CNOT6: variants seen among roughly 807,000 people sequenced by gnomAD.
CNOT6 encodes the protein carbon catabolite repression 4 protein.
Under a neutral mutation model 61.2 loss-of-function variants are expected in CNOT6, and 12 were observed. That is an observed-to-expected ratio of 0.20 (90% CI 0.13 to 0.32). The LOEUF (loss-of-function observed/expected upper bound fraction) is 0.32, where lower values mean the gene tolerates loss of function less well. Among genes scored for constraint, CNOT6 ranks in the 10% least tolerant of loss-of-function variants. The probability of loss-of-function intolerance (pLI) is 1.00; values close to 1 mark genes in which losing one functional copy is unlikely to be tolerated. For synonymous variants in CNOT6, 225 were observed against 240.6 expected, an observed-to-expected ratio of 0.94 and a Z score of 0.60; for missense variants, 405 against 663.9, an observed-to-expected ratio of 0.61 and a Z score of 4.28.
intron 1 of CNOT6, among the ~76,000 whole-genome samples, chr5:180,503,817 G>A (rs974478605): frequency 2.0e-5 from 3 of 151,284 alleles, no homozygotes; most frequent in Non-Finnish European, 2.9e-5. Flanking sequence ...TGTTGGTCAG[G>A]ATGGTCTCGA....
At position 180,566,062 on chromosome 5, in the gene CNOT6, T is replaced by C. The variant is rs1760437377; in HGVS notation, c.717+85T>C. 10 of 1,223,508 alleles carry C rather than the reference T, an allele frequency of 8.2e-6. No individual in the cohort carries two copies. In the South Asian group the frequency reaches 1.6e-4, roughly 20 times the overall value. The allele number at this position is 1,223,508 out of a possible 1,614,324, so 75.8% of individuals were successfully genotyped here. ...CATTACGCTGACACATTTGAAGTTTTAGCTTCAGTAGTTCTTAAAGTACTG... is the reference window on the plus strand; with the variant it reads ...CATTACGCTGACACATTTGAAGTTTCAGCTTCAGTAGTTCTTAAAGTACTG... On this transcript the variant is annotated intron_variant, in intron 7 of 11. Coordinates refer to ENST00000261951, the MANE Select transcript of CNOT6 (RefSeq NM_001370472.1).
intron 1 of CNOT6, among the ~76,000 whole-genome samples, chr5:180,516,958 G>C (rs1432352765): frequency 6.6e-6 from 1 of 152,186 alleles, no homozygotes; most frequent in Non-Finnish European, 1.5e-5. Context: ...CACATCAAGA[G>C]ACCCCAATAT....
At chr5:180,550,790 CT>C (rs1352690615) in intron 3 of CNOT6, among the ~76,000 whole-genome samples, 1 of 152,102 alleles carries the variant, frequency 6.6e-6, no homozygotes, top group Non-Finnish European at 1.5e-5. Flanking sequence ...TTGGTGAAAC[CT>C]TTTTGCCATC....
chr5:180,495,901 AGT>A, intron 1 of CNOT6: 1 of 152,336 alleles, frequency 6.6e-6, no homozygotes, highest in African/African-American at 2.4e-5. Flanking sequence ...CATTTATCAC[AGT>A]CTTTATTTAA....
At chr5:180,503,398 G>A (rs941663398) in intron 1 of CNOT6, among the ~76,000 whole-genome samples, 2 of 151,620 alleles carry the variant, frequency 1.3e-5, no homozygotes, top group African/African-American at 4.8e-5. Flanking sequence ...CGAGCAGCTG[G>A]GATTAGAGGT....
At chr5:180,526,674 T>A (rs1758114488) in intron 1 of CNOT6, among the ~76,000 whole-genome samples, 1 of 152,136 alleles carries the variant, frequency 6.6e-6, no homozygotes, top group Non-Finnish European at 1.5e-5. Flanking sequence ...GTCATAGGCT[T>A]TTCTCCAGCT....
intron 7 of CNOT6, 135 bp from the exon 8 acceptor site, chr5:180,566,953 C>A (rs1476461704): frequency 1.2e-6 from 1 of 843,248 alleles, no homozygotes; most frequent in Non-Finnish European, 1.8e-6. Context: ...CATGCCCGGC[C>A]CGGAAAGATG....
At chr5:180,555,515 A>G (rs541547159) in intron 4 of CNOT6, among the ~76,000 whole-genome samples, 1 of 152,306 alleles carries the variant, frequency 6.6e-6, no homozygotes, top group East Asian at 1.9e-4. Flanking sequence ...ATCCTGCTGG[A>G]CAGCATTACA....
intron 2 of CNOT6, among the ~76,000 whole-genome samples, chr5:180,542,731 G>A (rs752818875): frequency 1.3e-5 from 2 of 152,154 alleles, no homozygotes; most frequent in African/African-American, 4.8e-5. Context: ...AGGATCCTGG[G>A]TATTTTATAA....
intron 1 of CNOT6, among the ~76,000 whole-genome samples, chr5:180,499,473 G>A (rs1012699163): frequency 2.6e-5 from 4 of 152,144 alleles, no homozygotes; most frequent in Non-Finnish European, 4.4e-5. Flanking sequence ...GTAAATTATT[G>A]GAATTGGAAT....
In CNOT6 at chr5:180,519,125, G is replaced by C. The variant is rs371867742; in HGVS notation, c.-2-10150G>C. ...AGGGACACGTGTGCTGTAAGGAATC[G>C]TAGGTGCATCCAGAGAGGTTGGGGT... On this transcript the variant is annotated intron_variant, in intron 1 of 11. Transcript: ENST00000261951. Among the ~76,000 whole-genome samples, 5 of 152,336 alleles carry C rather than the reference G, an allele frequency of 3.3e-5. No individual in the cohort carries two copies. The East Asian group carries it at 7.7e-4, about 23-fold the overall frequency.
At chr5:180,538,668 ACT>A (rs1212984435) in intron 2 of CNOT6, among the ~76,000 whole-genome samples, 2 of 144,056 alleles carry the variant, frequency 1.4e-5, no homozygotes, top group African/African-American at 2.6e-5. Context: ...ACAGAGCGAG[ACT>A]CTGTCTGAGA....
intron 11 of CNOT6, among the ~76,000 whole-genome samples, chr5:180,571,659 C>T (rs944215238): frequency 7.2e-5 from 11 of 151,928 alleles, no homozygotes; most frequent in African/African-American, 2.4e-4. Flanking sequence ...TCAACCATGC[C>T]GGCTCAAACG....
At chr5:180,559,950 A>AT (rs528723433) in intron 4 of CNOT6, among the ~76,000 whole-genome samples, 10,379 of 141,552 alleles carry the variant, frequency 0.073, 550 homozygotes, top group East Asian at 0.27. Context: ...TAGTTTTATG[A>AT]TTTTTTTTTT....
chr5:180,541,919 A>T (rs1355680016), intron 2 of CNOT6, among the ~76,000 whole-genome samples: 1 of 151,080 alleles, frequency 6.6e-6, no homozygotes, highest in African/African-American at 2.4e-5. Context: ...TACAGGCACT[A>T]TTGTGATACA....
At chr5:180,512,267 G>A (rs1462778500) in intron 1 of CNOT6, among the ~76,000 whole-genome samples, 1 of 152,214 alleles carries the variant, frequency 6.6e-6, no homozygotes, top group African/African-American at 2.4e-5. Context: ...AGGTGGGAAG[G>A]AGGTGGGTAA....
At chr5:180,538,685 GGT>G (rs1561648233) in intron 2 of CNOT6, among the ~76,000 whole-genome samples, 9 of 84,248 alleles carry the variant, frequency 1.1e-4, no homozygotes, top group Non-Finnish European at 1.6e-4. Context: ...CTGAGAAAAA[GGT>G]ATATATATAT....
intron 3 of CNOT6, among the ~76,000 whole-genome samples, chr5:180,550,726 GACAA>G (rs1759553599): frequency 6.6e-6 from 1 of 152,144 alleles, no homozygotes; most frequent in South Asian, 2.1e-4. Flanking sequence ...ACTTCCTCAT[GACAA>G]ACAGGGCACC....
chr5:180,496,752 C>T (rs552471339), intron 1 of CNOT6, among the ~76,000 whole-genome samples: 2 of 152,306 alleles, frequency 1.3e-5, no homozygotes, highest in Non-Finnish European at 2.9e-5. Context: ...TGACGAAAGA[C>T]AGATTTTCTT....
Sources: allele counts gnomAD v4.1 joint callset (sites outside exome capture counted in the v4.1 genomes callset), GRCh38; gene constraint gnomAD v4.1.1; transcripts MANE v1.5; gene names NCBI Gene and HGNC (gene_info 2026-07-23, HGNC 2026-07-21).